ANKRD55: variants seen among roughly 807,000 people sequenced by gnomAD.
ANKRD55 encodes the protein ankyrin repeat domain 55, also known as ankyrin repeat domain-containing protein 55.
Under a neutral mutation model 60.6 loss-of-function variants are expected in ANKRD55, and 41 were observed. The observed-to-expected ratio is 0.68, with a 90% CI of 0.53 to 0.88. The LOEUF (loss-of-function observed/expected upper bound fraction) is 0.88, where lower values mean the gene tolerates loss of function less well. ANKRD55 is among the 40% of genes least tolerant of loss of function. The pLI, the probability that ANKRD55 is intolerant of heterozygous loss-of-function variation, is 0.00. For missense variants in ANKRD55, 732 were observed against 767.6 expected (o/e 0.95, Z 0.55); for synonymous variants, 264 against 290.3 (o/e 0.91, Z 0.92).
At chr5:56,232,620 A>G (rs144027342) in intron 2 of ANKRD55, among the ~76,000 whole-genome samples, 6 of 152,298 alleles carry the variant, frequency 3.9e-5, no homozygotes, top group African/African-American at 9.6e-5. Context: ...ACAGATCATA[A>G]GCTTATTTTT....
chr5:56,216,358 C>A (rs948926143), intron 2 of ANKRD55, among the ~76,000 whole-genome samples: 1 of 152,114 alleles, frequency 6.6e-6, no homozygotes, highest in African/African-American at 2.4e-5. Flanking sequence ...TTCCTTGAGA[C>A]ACAACAATAT....
chr5:56,106,647 G>A (rs183498158), intron 10 of ANKRD55, among the ~76,000 whole-genome samples: 64 of 152,042 alleles, frequency 4.2e-4, no homozygotes, highest in African/African-American at 1.5e-3. Context: ...GGCCAGGCTG[G>A]TCTCGAACTC....
rs578009142 is a variant in ANKRD55, at chr5:56,140,164, C to T, written c.612+3637G>A. Among the ~76,000 whole-genome samples the T allele has an allele frequency of 3.3e-5, 5 of 152,202 alleles. No individual in the cohort carries two copies. In the South Asian group the frequency reaches 6.2e-4, roughly 19 times the overall value. On this transcript the variant is annotated intron_variant, in intron 7 of 11. Coordinates refer to ENST00000341048, the MANE Select transcript of ANKRD55 (RefSeq NM_024669.3). ...ATTCAGAAAAAGGAATAAATGACAA[C>T]GGGAAATAGACTCATTCGTATGGAA...
intron 10 of ANKRD55, among the ~76,000 whole-genome samples, chr5:56,106,319 AACG>A (rs1756465071): frequency 6.6e-6 from 1 of 151,794 alleles, no homozygotes; most frequent in African/African-American, 2.4e-5. Flanking sequence ...GACTAACAAC[AACG>A]ACAACACCCA....
intron 10 of ANKRD55, among the ~76,000 whole-genome samples, chr5:56,109,038 A>AACACAC (rs60023559): frequency 0.031 from 4,463 of 143,898 alleles, 72 homozygotes; most frequent in South Asian, 0.052. Context: ...TCTGTCTCAA[A>AACACAC]ACACACACAC....
intron 7 of ANKRD55, among the ~76,000 whole-genome samples, chr5:56,132,589 TAAA>T (rs1183428923): frequency 5.9e-5 from 5 of 84,754 alleles, no homozygotes; most frequent in Non-Finnish European, 4.8e-5. Flanking sequence ...AGACTCTATC[TAAA>T]AAAAAAAAAA....
At chr5:56,225,102 G>A (rs185977553) in intron 2 of ANKRD55, among the ~76,000 whole-genome samples, 21 of 152,182 alleles carry the variant, frequency 1.4e-4, no homozygotes, top group African/African-American at 1.7e-4. Context: ...CTGGCAAACC[G>A]AACCCAGCAG....
At chr5:56,105,779 A>G (rs908592758) in intron 10 of ANKRD55, among the ~76,000 whole-genome samples, 5 of 152,244 alleles carry the variant, frequency 3.3e-5, no homozygotes, top group African/African-American at 1.2e-4. Context: ...GAAGGATCAC[A>G]GGATCAGACC....
chr5:56,105,750 C>T (rs565022927), intron 10 of ANKRD55, among the ~76,000 whole-genome samples: 5 of 152,210 alleles, frequency 3.3e-5, no homozygotes, highest in South Asian at 2.1e-4. Context: ...AGATGCAAAA[C>T]GTTTGATGGG....
chr5:56,229,953 G>C (rs1006815312), intron 2 of ANKRD55, among the ~76,000 whole-genome samples: 3 of 152,192 alleles, frequency 2.0e-5, no homozygotes, highest in Admixed American at 6.5e-5. Context: ...ATGTGGAAGA[G>C]GGGTAGGTTG....
At chr5:56,127,429 C>T in intron 7 of ANKRD55, 1 of 984,954 alleles carries the variant, frequency 1.0e-6, no homozygotes, top group Non-Finnish European at 1.2e-6. Context: ...GATCGGTGGG[C>T]CACCTAGACA....
At chr5:56,213,549 T>C (rs149117) in intron 2 of ANKRD55, among the ~76,000 whole-genome samples, 49,963 of 151,564 alleles carry the variant, frequency 0.33, 9,821 homozygotes, top group African/African-American at 0.54. Context: ...GGAGATTTCC[T>C]CTATCGAATA....
chr5:56,213,042 C>G (rs555898443), intron 2 of ANKRD55, among the ~76,000 whole-genome samples: 1 of 152,120 alleles, frequency 6.6e-6, no homozygotes, highest in African/African-American at 2.4e-5. Flanking sequence ...GACTAAGATG[C>G]CTTCTGGATA....
At position 56,111,519 on chromosome 5, in the gene ANKRD55, G is replaced by C; in HGVS notation, c.1229C>G (p.Thr410Ser). 1 of 1,614,078 alleles carries C rather than the reference G, an allele frequency of 6.2e-7. No individual in the cohort carries two copies. Among genetic ancestry groups the C allele is most frequent in the Non-Finnish European group, 8.5e-7 (1 of 1,180,016 alleles). Residue 410 changes from threonine (T) to serine (S), a missense_variant, in exon 10 of 12, where the codon ACC becomes AGC. Transcript: ENST00000341048. ...TAAGAGATATTTTGAATTGTCTGAG[G>C]TTTTCTTCTTAAATTCAACCATAGC... ...QVAMVEFKKKTSDNSKYLLPE... is the reference protein window; with the variant it reads ...QVAMVEFKKKSSDNSKYLLPE...
At chr5:56,170,577 A>G in intron 5 of ANKRD55, 117 bp downstream of exon 5, 3 of 822,288 alleles carry the variant, frequency 3.6e-6, no homozygotes, top group Non-Finnish European at 5.8e-6. Flanking sequence ...CTTCAAAAAA[A>G]AAAAAAGATG....
chr5:56,176,795 G>A (rs918039879), intron 3 of ANKRD55, among the ~76,000 whole-genome samples: 1 of 152,126 alleles, frequency 6.6e-6, no homozygotes, highest in Non-Finnish European at 1.5e-5. Flanking sequence ...ATAGGTCAAG[G>A]CATTTAGTTT....
chr5:56,199,757 G>A (rs1759319112), intron 2 of ANKRD55, among the ~76,000 whole-genome samples: 1 of 152,020 alleles, frequency 6.6e-6, no homozygotes, highest in South Asian at 2.1e-4. Context: ...TGGGCGTGGT[G>A]GCGGGCGCCT....
chr5:56,137,515 T>G (rs1757638812), intron 7 of ANKRD55: 1 of 779,396 alleles, frequency 1.3e-6, no homozygotes, highest in Admixed American at 1.7e-5. Flanking sequence ...AAACAAAAAC[T>G]TATGGCACGA....
chr5:56,161,333 A>C (rs1186660482), intron 5 of ANKRD55, among the ~76,000 whole-genome samples: 3 of 152,240 alleles, frequency 2.0e-5, no homozygotes, highest in Non-Finnish European at 2.9e-5. Context: ...CAAGATGATA[A>C]AGAATAGTGT....
Sources: allele counts gnomAD v4.1 joint callset (sites outside exome capture counted in the v4.1 genomes callset), GRCh38; gene constraint gnomAD v4.1.1; transcripts MANE v1.5; gene names NCBI Gene and HGNC (gene_info 2026-07-23, HGNC 2026-07-21).